Variants in DCAF5 observed in about 807,000 individuals in gnomAD.
The protein encoded by DCAF5 is DDB1 and CUL4 associated factor 5, also known as DDB1- and CUL4-associated factor 5.
Under a neutral mutation model 80.7 loss-of-function variants are expected in DCAF5, and 9 were observed. That is an observed-to-expected ratio of 0.11 (90% CI 0.07 to 0.19). The LOEUF is 0.19. Ranked by LOEUF, DCAF5 falls within the 10% of genes least tolerant of loss-of-function variation. The pLI is 1.00. For missense variants in DCAF5, 842 were observed against 1,205.7 expected, an observed-to-expected ratio of 0.70 and a Z score of 4.47; for synonymous variants, 433 against 461.9, an observed-to-expected ratio of 0.94 and a Z score of 0.80.
chr14:69,091,057 A>C, intron 6 of DCAF5: 1 of 744,226 alleles, frequency 1.3e-6, no homozygotes, highest in Non-Finnish European at 2.5e-6. Flanking sequence ...GTATATTCTT[A>C]AACTGCCAGC....
chr14:69,105,943 A>ATATATATCTATCTATCTATCTATCTATC (rs1223858774), intron 5 of DCAF5, among the ~76,000 whole-genome samples: 3 of 74,172 alleles, frequency 4.0e-5, no homozygotes, highest in African/African-American at 1.1e-4. Flanking sequence ...ATATATATAT[A>ATATATATCTATCTATCTATCTATCTATC]TATCTCCTAT....
chr14:69,126,529 C>A (rs1467189303), intron 1 of DCAF5, among the ~76,000 whole-genome samples: 1 of 152,154 alleles, frequency 6.6e-6, no homozygotes, highest in Non-Finnish European at 1.5e-5. Flanking sequence ...CACTCAAATT[C>A]TCAGCAAATT....
At chr14:69,117,345 C>T (rs1381104968) in intron 4 of DCAF5, among the ~76,000 whole-genome samples, 3 of 152,164 alleles carry the variant, frequency 2.0e-5, no homozygotes, top group African/African-American at 7.2e-5. Context: ...TCTCTTATAG[C>T]CTGAACCTAA....
intron 6 of DCAF5, among the ~76,000 whole-genome samples, chr14:69,082,696 G>C (rs2039159711): frequency 6.6e-6 from 1 of 152,144 alleles, no homozygotes; most frequent in Non-Finnish European, 1.5e-5. Flanking sequence ...GGAGTGAGGA[G>C]ATGATAGCAC....
chr14:69,112,116 A>G (rs1399086711), intron 5 of DCAF5, among the ~76,000 whole-genome samples: 1 of 152,214 alleles, frequency 6.6e-6, no homozygotes, highest in African/African-American at 2.4e-5. Flanking sequence ...TTCAAACTCT[A>G]GTATATCAGG....
chr14:69,118,681 C>T lies in DCAF5; in HGVS notation c.396-403G>A, dbSNP rs931946147. On this transcript the variant is annotated intron_variant, in intron 3 of 8. Transcript: ENST00000341516. This position sits in a 1 kb window ranked among gnomAD's most constrained non-coding sequence, Gnocchi z 4.0. The stretch of plus-strand genomic sequence containing the variant: ...GGAGAGGGGTCTCCTAGCAATCTGG[C>T]ATGGTGATGAAGAGCATGGCTCTGA... Among the ~76,000 whole-genome samples the T allele has an allele frequency of 6.6e-6, 1 of 152,132 alleles. No individual in the cohort carries two copies.
chr14:69,122,826 G>T (rs757756050), intron 1 of DCAF5, among the ~76,000 whole-genome samples: 55 of 151,846 alleles, frequency 3.6e-4, no homozygotes, highest in Admixed American at 4.6e-4. Flanking sequence ...CATTGATTGT[G>T]GAACACCATA....
chr14:69,105,725 T>G (rs575379364), intron 5 of DCAF5, among the ~76,000 whole-genome samples: 10 of 151,494 alleles, frequency 6.6e-5, no homozygotes, highest in Middle Eastern at 3.4e-3. Flanking sequence ...CTCTGGGACT[T>G]GCACCAGTGG....
At position 69,105,914 on chromosome 14, in the gene DCAF5, CATATATATAT is replaced by C. The variant is rs35075766; in HGVS notation, c.665+10442_665+10451del. 2.6e-3 allele frequency among the ~76,000 whole-genome samples: 132 copies of C among 50,012 alleles called. 14 individuals carry two copies. The highest frequency in any genetic ancestry group is 7.7e-3 in the East Asian group (3 of 392). The allele number at this position is 50,012 out of a possible 152,430, so 32.8% of individuals were successfully genotyped here. Reference sequence around the variant, plus strand: ...GAGCCAATTTTCCCTAATAAACTGTCATATATATATATATATATATATATATATATATCTC... The same window carrying C: ...GAGCCAATTTTCCCTAATAAACTGTCATATATATATATATATATATATCTC... On this transcript the variant is annotated intron_variant, in intron 5 of 8. Coordinates refer to ENST00000341516, the MANE Select transcript of DCAF5 (RefSeq NM_003861.3).
chr14:69,094,291 G>A (rs578199239), intron 5 of DCAF5, among the ~76,000 whole-genome samples: 1 of 152,198 alleles, frequency 6.6e-6, no homozygotes, highest in African/African-American at 2.4e-5. Context: ...CTGTAGAGGA[G>A]TCTGCCCAGG....
chr14:69,106,990 C>T (rs1177299820), intron 5 of DCAF5, among the ~76,000 whole-genome samples: 10 of 151,924 alleles, frequency 6.6e-5, no homozygotes, highest in Non-Finnish European at 1.2e-4. Flanking sequence ...TGCAGTGAGC[C>T]GAGATTGCAC....
chr14:69,054,149 T>A lies in DCAF5; in HGVS notation c.2537A>T (p.Asn846Ile), dbSNP rs766123627. The A allele has an allele frequency of 6.2e-7, 1 of 1,614,230 alleles. No homozygotes were observed. The change falls in exon 9 of 9, where the codon AAT becomes ATT. Residue 846 changes from asparagine to isoleucine, a missense_variant. Asn to Ile is a moderately radical substitution (Grantham distance 149, BLOSUM62 -3). This residue lies in a region of DCAF5 where 607 missense variants were observed against 656.6 expected (regional missense o/e 0.92). Transcript: ENST00000341516. The stretch of plus-strand genomic sequence containing the variant: ...CAGCTCCCCCAAGTTCTGCCCGTTA[T>A]TGTGAGGGTGAGGGGGACGAGGGTG... ...RLHPRPPHPH[N>I]NGQNLGELEV...
intron 1 of DCAF5, among the ~76,000 whole-genome samples, chr14:69,127,069 T>C (rs2040900667): frequency 6.6e-6 from 1 of 152,222 alleles, no homozygotes; most frequent in Non-Finnish European, 1.5e-5. Context: ...CCTTTGAAGA[T>C]AGTTTGGCAG....
chr14:69,100,474 TC>T (rs776899420), intron 5 of DCAF5, among the ~76,000 whole-genome samples: 1 of 152,196 alleles, frequency 6.6e-6, no homozygotes, highest in Non-Finnish European at 1.5e-5. Context: ...TTCAAAGGTC[TC>T]TGAAATTCAA....
chr14:69,143,955 T>C (rs897434721), intron 1 of DCAF5: 2 of 152,610 alleles, frequency 1.3e-5, no homozygotes, highest in African/African-American at 4.8e-5. Context: ...AGACCCGCCA[T>C]ATTTCACTTC....
At chr14:69,092,174 A>G (rs1235424547) in intron 5 of DCAF5, among the ~76,000 whole-genome samples, 1 of 152,222 alleles carries the variant, frequency 6.6e-6, no homozygotes, top group Non-Finnish European at 1.5e-5. Context: ...ATATTAAAAT[A>G]ATGATTTTCT....
At chr14:69,085,107 A>G (rs1444783452) in intron 6 of DCAF5, 6 of 852,656 alleles carry the variant, frequency 7.0e-6, no homozygotes, top group Admixed American at 5.2e-5. Flanking sequence ...CTTTTTTCAT[A>G]AGTCAGCTCA....
intron 1 of DCAF5, among the ~76,000 whole-genome samples, chr14:69,143,611 G>A (rs1009081577): frequency 7.0e-6 from 1 of 143,176 alleles, no homozygotes. Flanking sequence ...AACATTGGGC[G>A]AGGCATTCCT....
At position 69,094,519 on chromosome 14, in the gene DCAF5, C is replaced by A. The variant is rs561236953; in HGVS notation, c.666-2632G>T. Among the ~76,000 whole-genome samples the A allele has an allele frequency of 1.2e-4, 19 of 152,308 alleles. No homozygotes were observed. In the South Asian group the frequency reaches 3.9e-3, roughly 32 times the overall value. ...GGTGCTATTTAAAGAGCAGCAGCCA[C>A]CAACACTGAAAACTTCATGTTTTGT... On this transcript the variant is annotated intron_variant, in intron 5 of 8. Coordinates refer to ENST00000341516, the MANE Select transcript of DCAF5 (RefSeq NM_003861.3).
Sources: allele counts gnomAD v4.1 joint callset (sites outside exome capture counted in the v4.1 genomes callset), GRCh38; gene constraint gnomAD v4.1.1; regional missense constraint gnomAD v4.1.1; non-coding constraint Gnocchi (gnomAD v3.1); transcripts MANE v1.5; gene names NCBI Gene and HGNC (gene_info 2026-07-23, HGNC 2026-07-21).